The following ARHGAP15 variants were observed in gnomAD, a reference collection of about 807,000 sequenced individuals.
The protein encoded by ARHGAP15 is rho GTPase-activating protein 15.
Under a neutral mutation model 63.7 loss-of-function variants are expected in ARHGAP15, and 51 were observed. That is an observed-to-expected ratio of 0.80 (90% CI 0.64 to 1.01). The LOEUF (loss-of-function observed/expected upper bound fraction) is 1.01, where lower values mean the gene tolerates loss of function less well. ARHGAP15 is among the 50% of genes least tolerant of loss of function. The probability of loss-of-function intolerance (pLI) is 0.00; values close to 1 mark genes in which losing one functional copy is unlikely to be tolerated. For missense variants in ARHGAP15, 560 were observed against 564.6 expected (o/e 0.99, Z 0.08); for synonymous variants, 191 against 193.8 (o/e 0.99, Z 0.12).
chr2:143,270,441 A>G (rs1351974116), intron 6 of ARHGAP15, among the ~76,000 whole-genome samples: 1 of 152,168 alleles, frequency 6.6e-6, no homozygotes, highest in African/African-American at 2.4e-5. Context: ...AAGAACTTCA[A>G]TATTTTTTAG....
intron 6 of ARHGAP15, among the ~76,000 whole-genome samples, chr2:143,332,788 G>A (rs1182613277): frequency 6.6e-6 from 1 of 152,058 alleles, no homozygotes; most frequent in Admixed American, 6.6e-5. Flanking sequence ...CTACTTTTCA[G>A]AAACTTGCTG....
intron 6 of ARHGAP15, among the ~76,000 whole-genome samples, chr2:143,294,195 G>A (rs1478771978): frequency 2.0e-5 from 3 of 152,006 alleles, no homozygotes; most frequent in Non-Finnish European, 4.4e-5. Context: ...TGAATGGTTT[G>A]AACCACCAAC....
intron 8 of ARHGAP15, among the ~76,000 whole-genome samples, chr2:143,455,429 T>C (rs1264516101): frequency 6.6e-6 from 1 of 151,944 alleles, no homozygotes; most frequent in Non-Finnish European, 1.5e-5. Context: ...CTATACCTTG[T>C]ACTGACCTCC....
intron 11 of ARHGAP15, among the ~76,000 whole-genome samples, chr2:143,619,079 C>T (rs1157319287): frequency 6.6e-6 from 1 of 152,024 alleles, no homozygotes; most frequent in Non-Finnish European, 1.5e-5. Flanking sequence ...TCCCAAAGTG[C>T]TGGTATTACA....
chr2:143,418,898 C>G (rs1001163054), intron 6 of ARHGAP15, among the ~76,000 whole-genome samples: 31 of 152,046 alleles, frequency 2.0e-4, no homozygotes, highest in Admixed American at 3.9e-4. Flanking sequence ...CTTCTTGTAT[C>G]GAAGATTTGC....
intron 12 of ARHGAP15, among the ~76,000 whole-genome samples, chr2:143,647,928 T>A (rs1402848115): frequency 6.6e-6 from 1 of 151,964 alleles, no homozygotes; most frequent in Non-Finnish European, 1.5e-5. Flanking sequence ...CTTCATTATA[T>A]TTTGATGGGT....
intron 10 of ARHGAP15, among the ~76,000 whole-genome samples, chr2:143,543,210 T>A (rs1442955181): frequency 6.6e-6 from 1 of 152,152 alleles, no homozygotes; most frequent in Admixed American, 6.5e-5. Context: ...ACACTTGTTA[T>A]CTTTTGTCTT....
At chr2:143,370,775 C>T (rs149932322) in intron 6 of ARHGAP15, among the ~76,000 whole-genome samples, 1 of 152,232 alleles carries the variant, frequency 6.6e-6, no homozygotes, top group African/African-American at 2.4e-5. Flanking sequence ...TTCCTTTTCC[C>T]AGTGGTGATG....
At chr2:143,511,563 T>A (rs1385477038) in intron 9 of ARHGAP15, among the ~76,000 whole-genome samples, 1 of 134,024 alleles carries the variant, frequency 7.5e-6, no homozygotes, top group African/African-American at 2.7e-5. Context: ...TTTGGAAGTG[T>A]TCTTTTTTGT....
At chr2:143,194,011 T>G (rs1242322680) in intron 2 of ARHGAP15, among the ~76,000 whole-genome samples, 2 of 152,236 alleles carry the variant, frequency 1.3e-5, no homozygotes, top group Non-Finnish European at 2.9e-5. Context: ...GATTCTAATT[T>G]GTTAAGAATT....
chr2:143,376,752 G>GT (rs1262359621), intron 6 of ARHGAP15, among the ~76,000 whole-genome samples: 2 of 151,656 alleles, frequency 1.3e-5, no homozygotes, highest in Non-Finnish European at 2.9e-5. Flanking sequence ...CTGGCTTTCT[G>GT]TTTCTCAATT....
At chr2:143,485,213 G>T (rs1392558974) in intron 8 of ARHGAP15, among the ~76,000 whole-genome samples, 11 of 152,104 alleles carry the variant, frequency 7.2e-5, no homozygotes, top group Admixed American at 7.2e-4. Flanking sequence ...ACATGCATTA[G>T]GTATTTGTCC....
intron 6 of ARHGAP15, among the ~76,000 whole-genome samples, chr2:143,301,807 A>G (rs144833687): frequency 1.3e-5 from 2 of 151,830 alleles, no homozygotes; most frequent in African/African-American, 4.8e-5. Context: ...CCGTCTAGAT[A>G]TATATGTATA....
intron 3 of ARHGAP15, among the ~76,000 whole-genome samples, chr2:143,203,207 TC>T (rs1468107683): frequency 6.6e-6 from 1 of 152,104 alleles, no homozygotes; most frequent in Non-Finnish European, 1.5e-5. Flanking sequence ...GCTTCAGTGT[TC>T]CTGTTTTCTA....
chr2:143,237,781 G>A (rs1227677802), intron 5 of ARHGAP15: 1 of 152,060 alleles, frequency 6.6e-6, no homozygotes, highest in Non-Finnish European at 1.5e-5. Context: ...ACATTTTAGG[G>A]AATATTTTCC....
intron 2 of ARHGAP15, among the ~76,000 whole-genome samples, chr2:143,171,164 T>A (rs1238957681): frequency 6.6e-6 from 1 of 152,136 alleles, no homozygotes; most frequent in East Asian, 1.9e-4. Flanking sequence ...CAGCTATGCT[T>A]CACCTCATGA....
chr2:143,165,944 A>AAAGAG (rs1690486100), intron 2 of ARHGAP15, among the ~76,000 whole-genome samples: 1 of 118,098 alleles, frequency 8.5e-6, no homozygotes, highest in African/African-American at 3.2e-5. Flanking sequence ...AAAAGAAAAG[A>AAAGAG]AGAAAGAAAG....
At chr2:143,644,289 G>T (rs750229196) in intron 12 of ARHGAP15, among the ~76,000 whole-genome samples, 1 of 152,048 alleles carries the variant, frequency 6.6e-6, no homozygotes, top group Non-Finnish European at 1.5e-5. Context: ...ATTCTTTTCT[G>T]TGTCTCTGTA....
chr2:143,267,906 A>G (rs188634707), intron 6 of ARHGAP15, among the ~76,000 whole-genome samples: 1 of 152,276 alleles, frequency 6.6e-6, no homozygotes, highest in Non-Finnish European at 1.5e-5. Flanking sequence ...CATGTATACT[A>G]AAGTGATAAT....
Sources: gnomAD v4.1 joint callset for allele counts (sites outside exome capture counted in the v4.1 genomes callset) on GRCh38, gnomAD v4.1.1 for gene constraint, MANE v1.5 for transcripts, NCBI Gene and HGNC (gene_info 2026-07-23, HGNC 2026-07-21) for gene names.